CDH23: variants seen among roughly 807,000 people sequenced by gnomAD.
CDH23 encodes cadherin related 23, also known as cadherin-23.
Under a neutral mutation model 317.1 loss-of-function variants are expected in CDH23, and 189 were observed. The observed-to-expected ratio is 0.60, with a 90% CI of 0.53 to 0.67. CDH23 has a LOEUF of 0.67. CDH23 is among the 30% of genes least tolerant of loss of function. CDH23 has a pLI of 0.00. For synonymous variants in CDH23, 1,839 were observed against 1,876.8 expected, an observed-to-expected ratio of 0.98 and a Z score of 0.52; for missense variants, 4,401 against 4,592.4, an observed-to-expected ratio of 0.96 and a Z score of 1.20.
chr10:71,694,324 T>C lies in CDH23; in HGVS notation c.2289+65T>C. 5.5e-6 allele frequency: 7 copies of C among 1,267,256 alleles called. No homozygotes were observed. In the South Asian group the frequency reaches 8.7e-5, roughly 16 times the overall value. The allele number at this position is 1,267,256 out of a possible 1,614,324, so 78.5% of individuals were successfully genotyped here. ...CGGCCAGGCTGCTGCTCCCTGCTTG[T>C]ACCTCTGGACCCCCGTGTCCTGAGC... On this transcript the variant is annotated intron_variant, in intron 21 of 69. Transcript: ENST00000224721.
At position 71,787,064 on chromosome 10, in the gene CDH23, G is replaced by T. The variant is rs78915209; in HGVS notation, c.5820+1326G>T. On this transcript the variant is annotated intron_variant, in intron 44 of 69. Coordinates refer to ENST00000224721, the MANE Select transcript of CDH23 (RefSeq NM_022124.6). The stretch of plus-strand genomic sequence containing the variant: ...CTGAGGTTTGCGAGTGTGAAGTGAG[G>T]CACTGGCAGAGTTTGAATGAACTCC... Among the ~76,000 whole-genome samples, 19 of 152,300 alleles carry T rather than the reference G, an allele frequency of 1.2e-4. No individual in the cohort carries two copies. In the East Asian group the frequency reaches 3.7e-3, roughly 29 times the overall value.
chr10:71,522,259 G>A (rs959126764), intron 6 of CDH23, among the ~76,000 whole-genome samples: 1 of 152,090 alleles, frequency 6.6e-6, no homozygotes, highest in African/African-American at 2.4e-5. Flanking sequence ...CACCCGGATC[G>A]AGAAGCAGAG....
chr10:71,785,078 G>A lies in CDH23; in HGVS notation c.5690G>A (p.Arg1897Gln), dbSNP rs530212154. 2.9e-5 allele frequency: 46 copies of A among 1,613,968 alleles called. No homozygotes were observed. The Middle Eastern group carries it at 4.9e-4, about 17-fold the overall frequency. ...AACATCACTGCGGGCAACCGCGAGC[G>A]GGCCTTCTTCATCAATGCCACGGTA... ...TFNITAGNRERAFFINATTGI... is the reference protein window; with the variant it reads ...TFNITAGNREQAFFINATTGI... Residue 1897 changes from arginine (R) to glutamine (Q), a missense_variant, in exon 43 of 70, where the codon CGG becomes CAG. Arg to Gln is a conservative substitution (Grantham distance 43, BLOSUM62 1). Coordinates refer to ENST00000224721, the MANE Select transcript of CDH23 (RefSeq NM_022124.6).
intron 6 of CDH23, among the ~76,000 whole-genome samples, chr10:71,540,858 C>T (rs1855948150): frequency 6.6e-6 from 1 of 151,924 alleles, no homozygotes; most frequent in African/African-American, 2.4e-5. Flanking sequence ...AGGACAAGGT[C>T]TTCTGCTTGC....
At chr10:71,493,511 G>C (rs1852781135) in intron 3 of CDH23, among the ~76,000 whole-genome samples, 1 of 152,000 alleles carries the variant, frequency 6.6e-6, no homozygotes, top group African/African-American at 2.4e-5. Context: ...AGAACAGCCA[G>C]AAAAGCCCCT....
At chr10:71,541,079 T>C (rs556105146) in intron 6 of CDH23, among the ~76,000 whole-genome samples, 89 of 152,154 alleles carry the variant, frequency 5.8e-4, no homozygotes, top group African/African-American at 2.0e-3. Context: ...GCCCTGCTCC[T>C]GAGCACACAA....
intron 11 of CDH23, among the ~76,000 whole-genome samples, chr10:71,638,511 GC>G (rs1299414857): frequency 6.6e-6 from 1 of 152,174 alleles, no homozygotes; most frequent in Non-Finnish European, 1.5e-5. Context: ...ATGCGCCAGT[GC>G]TGAGAGCCCT....
At chr10:71,737,883 T>A (rs1487739244) in intron 34 of CDH23, 1 of 448,002 alleles carries the variant, frequency 2.2e-6, no homozygotes, top group Admixed American at 2.4e-5. Context: ...GGTTTTTATT[T>A]GACAGTCAGA....
At chr10:71,760,028 C>CACACACATACATACATATATAT (rs1564779676) in intron 38 of CDH23, among the ~76,000 whole-genome samples, 12 of 47,212 alleles carry the variant, frequency 2.5e-4, no homozygotes, top group Non-Finnish European at 3.6e-4. Context: ...CACATATATA[C>CACACACATACATACATATATAT]ACACACACAC....
At position 71,779,390 on chromosome 10, in the gene CDH23, C is replaced by G; in HGVS notation, c.5311C>G (p.Arg1771Gly). Residue 1771 changes from arginine to glycine, a missense_variant, in exon 41 of 70, where the codon CGA becomes GGA. Around this residue, in one of 3 missense-constraint regions of CDH23, gnomAD observed 3,068 missense variants for 3,203.3 expected, o/e 0.96. Transcript: ENST00000224721. ...AGTGTGGACCTTCCTGGCCCATGAC[C>G]GAGACTCAGGACCCAACGGGCAGGT... ...PRVWTFLAHD[R>G]DSGPNGQVEY... 1 of 1,613,728 alleles carries G rather than the reference C, an allele frequency of 6.2e-7. No homozygotes were observed. The highest frequency in any genetic ancestry group is 8.5e-7 in the Non-Finnish European group (1 of 1,179,728).
At chr10:71,521,134 G>C (rs990340998) in intron 6 of CDH23, among the ~76,000 whole-genome samples, 1 of 151,796 alleles carries the variant, frequency 6.6e-6, no homozygotes, top group African/African-American at 2.4e-5. Context: ...TAATGCCACC[G>C]AGAGATGTCA....
chr10:71,794,178 T>G (rs1841342331), intron 48 of CDH23, among the ~76,000 whole-genome samples: 1 of 152,148 alleles, frequency 6.6e-6, no homozygotes, highest in Non-Finnish European at 1.5e-5. Flanking sequence ...ATTTTTGTAT[T>G]TTTAGTAGAG....
intron 1 of CDH23, among the ~76,000 whole-genome samples, chr10:71,402,706 AGTGTGTGTGTGTGTGTGT>A (rs61127679): frequency 0.17 from 24,960 of 148,886 alleles, 2,114 homozygotes; most frequent in South Asian, 0.23. Context: ...ATTCTTCCTG[AGTGTGTGTGTGTGTGTGT>A]GTGTGTGTGT....
At position 71,800,797 on chromosome 10, in the gene CDH23, G is replaced by C. The variant is rs755998185; in HGVS notation, c.7482+42G>C. On this transcript the variant is annotated intron_variant, in intron 53 of 69. Transcript: ENST00000224721. ...TGGGCCAGGGATGACAGGGACTGGG[G>C]TTGTGGAGGCAACAAGCAAAGCCTC... 5.0e-6 allele frequency: 8 copies of C among 1,605,200 alleles called. No homozygotes were observed. The Admixed American group carries it at 1.2e-4, about 24-fold the overall frequency.
At chr10:71,587,461 C>T (rs1033247186) in intron 9 of CDH23, among the ~76,000 whole-genome samples, 3 of 152,190 alleles carry the variant, frequency 2.0e-5, no homozygotes, top group Non-Finnish European at 4.4e-5. Context: ...TCACCACCCT[C>T]GTAGAGTTCA....
intron 3 of CDH23, among the ~76,000 whole-genome samples, chr10:71,477,636 C>T (rs995599521): frequency 1.1e-4 from 16 of 152,186 alleles, no homozygotes; most frequent in Non-Finnish European, 1.5e-4. Flanking sequence ...GAGCACTGAA[C>T]GAGCATGCCC....
At chr10:71,601,306 A>C (rs1459472433) in intron 9 of CDH23, among the ~76,000 whole-genome samples, 4 of 152,246 alleles carry the variant, frequency 2.6e-5, no homozygotes, top group Admixed American at 1.3e-4. Flanking sequence ...TCAGTTTACT[A>C]ATCAATGAGG....
At chr10:71,402,015 A>T (rs1436727332) in intron 1 of CDH23, among the ~76,000 whole-genome samples, 1 of 152,240 alleles carries the variant, frequency 6.6e-6, no homozygotes, top group African/African-American at 2.4e-5. Context: ...TGGCATATTT[A>T]AAACGTAGCC....
chr10:71,474,053 G>A (rs374277126), intron 3 of CDH23, among the ~76,000 whole-genome samples: 18 of 152,340 alleles, frequency 1.2e-4, no homozygotes, highest in African/African-American at 4.3e-4. Flanking sequence ...CCTAGGAATG[G>A]CACTGCTCTC....
Sources: allele counts gnomAD v4.1 joint callset (sites outside exome capture counted in the v4.1 genomes callset), GRCh38; gene constraint gnomAD v4.1.1; regional missense constraint gnomAD v4.1.1; transcripts MANE v1.5; gene names NCBI Gene and HGNC (gene_info 2026-07-23, HGNC 2026-07-21).